FGF7: variants seen among roughly 807,000 people sequenced by gnomAD.
FGF7 encodes the protein FGF-7.
In FGF7, 6 loss-of-function variants were observed where a neutral mutation model predicts 20.5. That is an observed-to-expected ratio of 0.29 (90% CI 0.16 to 0.58). The LOEUF (loss-of-function observed/expected upper bound fraction) is 0.58, where lower values mean the gene tolerates loss of function less well. Ranked by LOEUF, FGF7 falls within the 20% of genes least tolerant of loss-of-function variation. FGF7 has a pLI of 0.90. For synonymous variants in FGF7, 64 were observed against 74.7 expected, an observed-to-expected ratio of 0.86 and a Z score of 0.74; for missense variants, 144 against 228.8, an observed-to-expected ratio of 0.63 and a Z score of 2.39.
intron 2 of FGF7, among the ~76,000 whole-genome samples, chr15:49,432,655 T>C (rs1302078609): frequency 6.6e-6 from 1 of 151,624 alleles, no homozygotes. Flanking sequence ...AAAAAAACTA[T>C]ACAATTGACC....
chr15:49,429,892 A>T (rs1221923807), intron 2 of FGF7, among the ~76,000 whole-genome samples: 1 of 151,912 alleles, frequency 6.6e-6, no homozygotes, highest in Admixed American at 6.6e-5. Flanking sequence ...AAGTTCTCCA[A>T]TGATTCTAAA....
At chr15:49,433,215 C>A (rs1253928773) in intron 2 of FGF7, among the ~76,000 whole-genome samples, 1 of 151,566 alleles carries the variant, frequency 6.6e-6, no homozygotes, top group Non-Finnish European at 1.5e-5. Flanking sequence ...TCTTTCTGTG[C>A]CCCAATTGCT....
chr15:49,450,259 C>T (rs1055167371), intron 2 of FGF7, among the ~76,000 whole-genome samples: 1 of 151,976 alleles, frequency 6.6e-6, no homozygotes, highest in African/African-American at 2.4e-5. Context: ...GTTCATTTCC[C>T]TCCTCATCAT....
intron 2 of FGF7, among the ~76,000 whole-genome samples, chr15:49,474,782 A>G (rs2055094561): frequency 6.6e-6 from 1 of 151,990 alleles, no homozygotes; most frequent in Non-Finnish European, 1.5e-5. Flanking sequence ...CGTGAACCCT[A>G]TTGTGAACTG....
chr15:49,469,010 A>G (rs1195536449), intron 2 of FGF7, among the ~76,000 whole-genome samples: 1 of 152,202 alleles, frequency 6.6e-6, no homozygotes, highest in African/African-American at 2.4e-5. Flanking sequence ...AAAAAAATAC[A>G]GCTACATGTT....
At chr15:49,470,433 A>G (rs2054640644) in intron 2 of FGF7, among the ~76,000 whole-genome samples, 2 of 152,198 alleles carry the variant, frequency 1.3e-5, no homozygotes, top group African/African-American at 4.8e-5. Flanking sequence ...TCTAGATCAC[A>G]AAGTGATTTT....
At chr15:49,483,512 T>A (rs998663495) in intron 3 of FGF7, among the ~76,000 whole-genome samples, 1 of 152,068 alleles carries the variant, frequency 6.6e-6, no homozygotes, top group Non-Finnish European at 1.5e-5. Context: ...CTTCCAGCTC[T>A]AAAATTCCAT....
chr15:49,427,227 A>T (rs1414727293), intron 2 of FGF7, among the ~76,000 whole-genome samples: 1 of 152,026 alleles, frequency 6.6e-6, no homozygotes, highest in Non-Finnish European at 1.5e-5. Flanking sequence ...AATGCTCAGA[A>T]TTTGTTTAAA....
intron 2 of FGF7, among the ~76,000 whole-genome samples, chr15:49,430,103 C>T (rs2050463489): frequency 6.6e-6 from 1 of 151,854 alleles, no homozygotes; most frequent in African/African-American, 2.4e-5. Context: ...GCTCATCTGA[C>T]CTCTCTGACA....
chr15:49,455,119 T>C (rs1206847334), intron 2 of FGF7, among the ~76,000 whole-genome samples: 1 of 152,174 alleles, frequency 6.6e-6, no homozygotes, highest in Non-Finnish European at 1.5e-5. Flanking sequence ...CCCTCACCTA[T>C]TGAGTCAAAA....
intron 2 of FGF7, among the ~76,000 whole-genome samples, chr15:49,444,217 A>T (rs924143547): frequency 6.6e-6 from 1 of 151,626 alleles, no homozygotes; most frequent in Admixed American, 6.6e-5. Flanking sequence ...CCTCATAAGG[A>T]TTTATGATTG....
chr15:49,460,375 A>G (rs1413217932), intron 2 of FGF7, among the ~76,000 whole-genome samples: 2 of 152,172 alleles, frequency 1.3e-5, no homozygotes, highest in Non-Finnish European at 2.9e-5. Flanking sequence ...GGAATGACAT[A>G]TAATTTACTT....
intron 2 of FGF7, among the ~76,000 whole-genome samples, chr15:49,474,962 G>A (rs1249497135): frequency 6.6e-6 from 1 of 151,446 alleles, no homozygotes; most frequent in Admixed American, 6.6e-5. Context: ...ATGAATTTAA[G>A]ATAATTTGAA....
intron 2 of FGF7, among the ~76,000 whole-genome samples, chr15:49,431,894 C>T (rs960173608): frequency 1.3e-5 from 2 of 151,490 alleles, no homozygotes; most frequent in African/African-American, 4.8e-5. Context: ...CACTAAAATG[C>T]TGGGGGTTGG....
intron 2 of FGF7, among the ~76,000 whole-genome samples, chr15:49,456,632 T>C (rs562230471): frequency 2.6e-5 from 4 of 152,196 alleles, no homozygotes; most frequent in African/African-American, 9.6e-5. Context: ...ATAACTAACA[T>C]AGTAACTACA....
chr15:49,441,350 A>G (rs2051622984), intron 2 of FGF7, among the ~76,000 whole-genome samples: 2 of 151,804 alleles, frequency 1.3e-5, no homozygotes, highest in Non-Finnish European at 1.5e-5. Flanking sequence ...AGCATAACAT[A>G]TGTCTTGGAT....
intron 2 of FGF7, among the ~76,000 whole-genome samples, chr15:49,455,231 G>C (rs933072197): frequency 6.6e-6 from 1 of 152,168 alleles, no homozygotes; most frequent in African/African-American, 2.4e-5. Flanking sequence ...CAGGCATTCT[G>C]CTAGGTGGTG....
intron 2 of FGF7, among the ~76,000 whole-genome samples, chr15:49,479,364 C>T (rs1447528505): frequency 6.6e-6 from 1 of 151,964 alleles, no homozygotes; most frequent in Non-Finnish European, 1.5e-5. Flanking sequence ...TTACTGGGTA[C>T]TACTTAATGT....
intron 2 of FGF7, among the ~76,000 whole-genome samples, chr15:49,456,092 A>G (rs1196291056): frequency 6.6e-6 from 1 of 152,160 alleles, no homozygotes; most frequent in African/African-American, 2.4e-5. Context: ...ACATTCTAAA[A>G]TGTTAAAAGT....
Sources: allele counts gnomAD v4.1 joint callset (sites outside exome capture counted in the v4.1 genomes callset), GRCh38; gene constraint gnomAD v4.1.1; transcripts MANE v1.5; gene names NCBI Gene and HGNC (gene_info 2026-07-23, HGNC 2026-07-21).